AHI1: variants seen among roughly 807,000 people sequenced by gnomAD.
AHI1 encodes Abelson helper integration site 1.
A neutral mutation model predicts 149.3 loss-of-function variants in AHI1; 123 were observed. The observed-to-expected ratio is 0.82, with a 90% CI of 0.71 to 0.96. The LOEUF is 0.96. Among genes scored for constraint, AHI1 ranks in the 40% least tolerant of loss-of-function variants. The pLI is 0.00. For missense variants in AHI1, 1,439 were observed against 1,422.7 expected, an observed-to-expected ratio of 1.01 and a Z score of -0.18; for synonymous variants, 475 against 459.8, an observed-to-expected ratio of 1.03 and a Z score of -0.42.
intron 20 of AHI1, among the ~76,000 whole-genome samples, chr6:135,415,295 G>A (rs1782210631): frequency 6.6e-6 from 1 of 152,062 alleles, no homozygotes; most frequent in African/African-American, 2.4e-5. Flanking sequence ...TGTCTTTATA[G>A]CAGCATGATT....
At chr6:135,398,495 T>C (rs1245999126) in intron 22 of AHI1, among the ~76,000 whole-genome samples, 1 of 152,218 alleles carries the variant, frequency 6.6e-6, no homozygotes, top group East Asian at 1.9e-4. Flanking sequence ...TAAAGTTTTT[T>C]GGTTATATTT....
At chr6:135,431,390 A>C (rs1401182765) in intron 16 of AHI1, 76 bp from the exon 17 acceptor site, 2 of 839,432 alleles carry the variant, frequency 2.4e-6, no homozygotes, top group Non-Finnish European at 3.6e-6. Flanking sequence ...ATCGGGGGAA[A>C]CTATACCCCA....
intron 23 of AHI1, among the ~76,000 whole-genome samples, chr6:135,383,631 G>GT (rs966388586): frequency 1.3e-5 from 2 of 151,600 alleles, no homozygotes; most frequent in African/African-American, 4.9e-5. Flanking sequence ...TGTATTAAGT[G>GT]TATTATCAGA....
Position 135,390,017 on chromosome 6 carries a change from T to A in AHI1, c.3109+4759A>T, listed in dbSNP as rs1352297700. Among the ~76,000 whole-genome samples, 3 of 151,744 alleles carry A rather than the reference T, an allele frequency of 2.0e-5. No individual in the cohort carries two copies. The East Asian group carries it at 5.8e-4, about 29-fold the overall frequency. ...ATATTATGAGTTTTTTTGTGTTTTT[T>A]TTATTTTATTTTTTTTAAACTCATG... On this transcript the variant is annotated intron_variant, in intron 23 of 28. Coordinates refer to ENST00000265602, the MANE Select transcript of AHI1 (RefSeq NM_001134831.2).
chr6:135,419,225 C>G (rs1352247665), intron 20 of AHI1, among the ~76,000 whole-genome samples: 2 of 152,120 alleles, frequency 1.3e-5, no homozygotes, highest in African/African-American at 4.8e-5. Flanking sequence ...CTACCAGCAT[C>G]TGGCAAATTC....
At chr6:135,387,909 T>G in intron 23 of AHI1, 1 of 1,596,426 alleles carries the variant, frequency 6.3e-7, no homozygotes, top group South Asian at 1.2e-5. Context: ...GAAAGTGAAC[T>G]ACCTAACAAA....
At chr6:135,483,510 C>G (rs945259838) in intron 5 of AHI1, among the ~76,000 whole-genome samples, 7 of 152,076 alleles carry the variant, frequency 4.6e-5, no homozygotes, top group African/African-American at 1.7e-4. Flanking sequence ...ATACGGTATA[C>G]ACAATAAAAG....
At chr6:135,334,968 C>T (rs1179502051) in intron 24 of AHI1, among the ~76,000 whole-genome samples, 1 of 152,156 alleles carries the variant, frequency 6.6e-6, no homozygotes, top group Admixed American at 6.5e-5. Context: ...TCTGATGTAC[C>T]TAACGTTTAG....
At chr6:135,337,397 T>C (rs1789558924) in intron 24 of AHI1, among the ~76,000 whole-genome samples, 1 of 152,064 alleles carries the variant, frequency 6.6e-6, no homozygotes, top group Non-Finnish European at 1.5e-5. Context: ...TTCTGTCCAT[T>C]TGGTTACTGA....
At chr6:135,432,415 C>T (rs1314365261) in intron 16 of AHI1, among the ~76,000 whole-genome samples, 19 of 152,072 alleles carry the variant, frequency 1.2e-4, no homozygotes, top group Non-Finnish European at 2.2e-4. Context: ...TGCAGTGGCG[C>T]GATCTCAGCT....
At chr6:135,440,391 GAAACA>G (rs915198153) in intron 14 of AHI1, among the ~76,000 whole-genome samples, 38 of 152,032 alleles carry the variant, frequency 2.5e-4, no homozygotes, top group African/African-American at 8.5e-4. Flanking sequence ...AAAACAAAAT[GAAACA>G]AAACAAAACA....
intron 23 of AHI1, among the ~76,000 whole-genome samples, chr6:135,362,761 T>C (rs1266699690): frequency 6.6e-6 from 1 of 152,170 alleles, no homozygotes. Context: ...AGATTCTGTA[T>C]AGTAGTCCTT....
Position 135,447,102 on chromosome 6 carries a change from T to C in AHI1, c.1685A>G (p.His562Arg). Residue 562 changes from histidine to arginine, a missense_variant, in exon 13 of 29, where the codon CAT becomes CGT. Transcript: ENST00000265602. ...ALQEEKGKPV[H>R]CERHHESSSV... ...GCTTGACTCATGGTGACGTTCACAATGCACTGGTTTACCTTTTTCCTCCTG... is the reference window on the plus strand; with the variant it reads ...GCTTGACTCATGGTGACGTTCACAACGCACTGGTTTACCTTTTTCCTCCTG... 1 of 1,567,784 alleles carries C rather than the reference T, an allele frequency of 6.4e-7. No homozygotes were observed. Among genetic ancestry groups the C allele is most frequent in the Non-Finnish European group, 8.7e-7 (1 of 1,151,896 alleles).
chr6:135,388,786 C>A (rs1271949479), intron 23 of AHI1, among the ~76,000 whole-genome samples: 3 of 151,064 alleles, frequency 2.0e-5, no homozygotes, highest in Admixed American at 1.3e-4. Context: ...CTGAGATGGG[C>A]GGATCACTTG....
intron 22 of AHI1, among the ~76,000 whole-genome samples, chr6:135,404,705 G>A (rs1479860179): frequency 6.6e-6 from 1 of 152,080 alleles, no homozygotes. Context: ...ATCCTTTACT[G>A]AAAGTATCTC....
chr6:135,353,291 T>C (rs777547806), intron 24 of AHI1, among the ~76,000 whole-genome samples: 1 of 152,140 alleles, frequency 6.6e-6, no homozygotes, highest in Non-Finnish European at 1.5e-5. Context: ...TAAAAGCTTA[T>C]AGTTTATCAG....
At chr6:135,293,820 G>C (rs1337291071) in intron 27 of AHI1, among the ~76,000 whole-genome samples, 1 of 152,180 alleles carries the variant, frequency 6.6e-6, no homozygotes, top group East Asian at 1.9e-4. Context: ...TTAGTATCTG[G>C]ATTAAATGCA....
At chr6:135,351,135 C>CAAAAAAAAA (rs1183574427) in intron 24 of AHI1, among the ~76,000 whole-genome samples, 2 of 131,382 alleles carry the variant, frequency 1.5e-5, no homozygotes, top group African/African-American at 6.7e-5. Context: ...AAACAAAAAA[C>CAAAAAAAAA]AAAAAAAACA....
intron 2 of AHI1, among the ~76,000 whole-genome samples, 182 bp downstream of exon 2, chr6:135,497,006 C>A (rs1454760805): frequency 6.6e-6 from 1 of 152,194 alleles, no homozygotes; most frequent in Non-Finnish European, 1.5e-5. Flanking sequence ...TCGTTGGCAT[C>A]TCTTTCTCAA....
Sources: allele counts gnomAD v4.1 joint callset (sites outside exome capture counted in the v4.1 genomes callset), GRCh38; gene constraint gnomAD v4.1.1; transcripts MANE v1.5; gene names NCBI Gene and HGNC (gene_info 2026-07-23, HGNC 2026-07-21).